ATP9B: variants seen among roughly 807,000 people sequenced by gnomAD.
ATP9B encodes the protein ATPase phospholipid transporting 9B.
Under a neutral mutation model 146.1 loss-of-function variants are expected in ATP9B, and 110 were observed. The ratio of observed to expected loss-of-function variants is 0.75; its 90% CI spans 0.65 to 0.88. The LOEUF (loss-of-function observed/expected upper bound fraction) is 0.88, where lower values mean the gene tolerates loss of function less well. Ranked by LOEUF, ATP9B falls within the 40% of genes least tolerant of loss-of-function variation. The pLI is 0.00. For synonymous variants in ATP9B, 604 were observed against 569.7 expected (o/e 1.06, Z -0.86); for missense variants, 1,499 against 1,496.4 (o/e 1.00, Z -0.03).
intron 28 of ATP9B, among the ~76,000 whole-genome samples, chr18:79,375,133 A>T (rs1160269195): frequency 2.6e-5 from 4 of 152,218 alleles, no homozygotes; most frequent in Non-Finnish European, 4.4e-5. Flanking sequence ...TCAGACCTGG[A>T]TAGGTCTCTG....
At chr18:79,134,314 G>A (rs537999334) in intron 5 of ATP9B, among the ~76,000 whole-genome samples, 3 of 152,064 alleles carry the variant, frequency 2.0e-5, no homozygotes, top group Non-Finnish European at 4.4e-5. Flanking sequence ...GTTCTGCCTC[G>A]ATTTCTTCCA....
intron 7 of ATP9B, 35 bp downstream of exon 7, chr18:79,154,590 A>C: frequency 7.1e-7 from 1 of 1,409,306 alleles, no homozygotes; most frequent in Non-Finnish European, 9.5e-7. Context: ...ACCTAACTGT[A>C]TATTATTGCA....
intron 23 of ATP9B, among the ~76,000 whole-genome samples, chr18:79,347,451 C>A (rs1307541824): frequency 6.6e-6 from 1 of 152,216 alleles, no homozygotes; most frequent in Non-Finnish European, 1.5e-5. Flanking sequence ...AGGGCGGGCC[C>A]ACACTCAGAT....
intron 26 of ATP9B, among the ~76,000 whole-genome samples, chr18:79,367,665 G>A (rs565667607): frequency 2.6e-5 from 4 of 152,384 alleles, no homozygotes; most frequent in South Asian, 2.1e-4. Flanking sequence ...CCACTGTCAC[G>A]AGGTCTTCCA....
intron 13 of ATP9B, among the ~76,000 whole-genome samples, chr18:79,297,113 G>A (rs1346046607): frequency 1.4e-5 from 2 of 147,438 alleles, no homozygotes; most frequent in African/African-American, 5.0e-5. Context: ...AGAAGACACA[G>A]ACGACCCAGA....
At chr18:79,184,218 C>T (rs2148031820) in intron 8 of ATP9B, among the ~76,000 whole-genome samples, 1 of 152,314 alleles carries the variant, frequency 6.6e-6, no homozygotes, top group Admixed American at 6.5e-5. Flanking sequence ...AAGTAATTTG[C>T]ATTTACACTA....
chr18:79,098,873 A>G (rs2075033316), intron 2 of ATP9B, among the ~76,000 whole-genome samples: 1 of 152,070 alleles, frequency 6.6e-6, no homozygotes, highest in Non-Finnish European at 1.5e-5. Flanking sequence ...TTCCATTGAC[A>G]TTTTTGAAGA....
intron 7 of ATP9B, among the ~76,000 whole-genome samples, chr18:79,164,085 A>T (rs2094927304): frequency 6.6e-6 from 1 of 151,858 alleles, no homozygotes; most frequent in Admixed American, 6.6e-5. Flanking sequence ...TGCCCCACTA[A>T]TTTTTTATTT....
chr18:79,141,088 C>T (rs1055220283), intron 5 of ATP9B, among the ~76,000 whole-genome samples: 17 of 152,118 alleles, frequency 1.1e-4, no homozygotes, highest in African/African-American at 1.4e-4. Context: ...TTCCCATAAT[C>T]CCCATGTGTC....
intron 1 of ATP9B, chr18:79,087,737 T>G (rs2073966822): frequency 6.6e-6 from 1 of 152,228 alleles, no homozygotes; most frequent in Non-Finnish European, 1.5e-5. Flanking sequence ...TAGTAACTTA[T>G]GTGTAACTTA....
chr18:79,355,470 C>T (rs563757253), intron 25 of ATP9B, among the ~76,000 whole-genome samples: 2 of 152,208 alleles, frequency 1.3e-5, no homozygotes, highest in South Asian at 2.1e-4. Context: ...AAAAAAATGC[C>T]GTGACTGGGC....
chr18:79,170,139 G>A (rs1003304746), intron 7 of ATP9B, among the ~76,000 whole-genome samples: 1 of 152,242 alleles, frequency 6.6e-6, no homozygotes, highest in African/African-American at 2.4e-5. Context: ...TGGCTGCCAA[G>A]GTAGGGAGGA....
chr18:79,271,588 A>G lies in ATP9B; in HGVS notation c.1269-5466A>G, dbSNP rs1221010994. Among the ~76,000 whole-genome samples the G allele has an allele frequency of 5.2e-3, 788 of 152,242 alleles. 10 individuals carry two copies. The highest frequency in any genetic ancestry group is 0.017 in the African/African-American group (716 of 41,540). ...TGAACTCATCATTTTTTATGGCTGC[A>G]TAGTATTCCATGGTGTATATGTGCC... On this transcript the variant is annotated intron_variant, in intron 12 of 29. Coordinates refer to ENST00000426216, the MANE Select transcript of ATP9B (RefSeq NM_198531.5).
chr18:79,182,237 A>G (rs929096243), intron 8 of ATP9B, among the ~76,000 whole-genome samples: 37 of 152,212 alleles, frequency 2.4e-4, no homozygotes, highest in African/African-American at 7.9e-4. Context: ...GCTAGTCAAA[A>G]CTCAGCTCTC....
chr18:79,125,187 CTT>C (rs1182261597), intron 4 of ATP9B, among the ~76,000 whole-genome samples: 3 of 151,942 alleles, frequency 2.0e-5, no homozygotes, highest in African/African-American at 7.3e-5. Flanking sequence ...GAGGAGAAGA[CTT>C]GATGTGCTCA....
chr18:79,291,154 A>G (rs1293947343), intron 13 of ATP9B, among the ~76,000 whole-genome samples: 2 of 152,002 alleles, frequency 1.3e-5, no homozygotes, highest in African/African-American at 4.8e-5. Flanking sequence ...ACTCTTTTTC[A>G]TTAAAGAGCT....
intron 23 of ATP9B, 38 bp from the exon 24 acceptor site, chr18:79,347,732 C>T (rs776600320): frequency 2.7e-6 from 4 of 1,495,950 alleles, no homozygotes; most frequent in East Asian, 2.4e-5. Context: ...TTCCAGCGTC[C>T]GCCATGTTTG....
intron 23 of ATP9B, among the ~76,000 whole-genome samples, chr18:79,346,973 C>A (rs1600233654): frequency 6.6e-6 from 1 of 152,226 alleles, no homozygotes; most frequent in Admixed American, 6.5e-5. Flanking sequence ...TAGCCCTCGG[C>A]GACTTGCTGT....
intron 20 of ATP9B, among the ~76,000 whole-genome samples, chr18:79,343,344 AT>A (rs2096868684): frequency 6.6e-6 from 1 of 152,194 alleles, no homozygotes; most frequent in Non-Finnish European, 1.5e-5. Context: ...GAAGCTTTTA[AT>A]TTATTTCAGT....
Sources: allele counts gnomAD v4.1 joint callset (sites outside exome capture counted in the v4.1 genomes callset), GRCh38; gene constraint gnomAD v4.1.1; transcripts MANE v1.5; gene names NCBI Gene and HGNC (gene_info 2026-07-23, HGNC 2026-07-21).